The following ITGB6 variants were observed in gnomAD, a reference collection of about 807,000 sequenced individuals.
ITGB6 encodes the protein integrin beta-6.
Under a neutral mutation model 84.5 loss-of-function variants are expected in ITGB6, and 80 were observed. The observed-to-expected ratio is 0.95, with a 90% CI of 0.79 to 1.14. The LOEUF is 1.14. Ranked by LOEUF, ITGB6 falls within the 50% of genes most tolerant of loss-of-function variation. ITGB6 has a pLI of 0.00. For synonymous variants in ITGB6, 383 were observed against 354.9 expected (o/e 1.08, Z -0.89); for missense variants, 1,006 against 968.0 (o/e 1.04, Z -0.52).
At chr2:160,109,498 G>C (rs562094076) in intron 13 of ITGB6, among the ~76,000 whole-genome samples, 1 of 152,308 alleles carries the variant, frequency 6.6e-6, no homozygotes, top group Non-Finnish European at 1.5e-5. Context: ...GGGTTCTCCA[G>C]GAGGGACTAA....
At chr2:160,121,667 T>G (rs1462921463) in intron 12 of ITGB6, among the ~76,000 whole-genome samples, 2 of 151,148 alleles carry the variant, frequency 1.3e-5, no homozygotes, top group African/African-American at 4.9e-5. Context: ...GTGCCTGTAG[T>G]CCCAGGTACT....
intron 14 of ITGB6, among the ~76,000 whole-genome samples, chr2:160,105,002 C>T (rs1223798889): frequency 1.3e-5 from 2 of 152,134 alleles, no homozygotes; most frequent in African/African-American, 4.8e-5. Context: ...AAATTCACTT[C>T]TTCAAGAAGA....
intron 7 of ITGB6, among the ~76,000 whole-genome samples, chr2:160,165,994 C>T (rs1051637436): frequency 1.3e-5 from 2 of 152,198 alleles, no homozygotes; most frequent in Non-Finnish European, 2.9e-5. Flanking sequence ...GCAGTTATTG[C>T]AATTTTTAAA....
At chr2:160,110,389 A>G (rs1682439128) in intron 13 of ITGB6, among the ~76,000 whole-genome samples, 1 of 152,246 alleles carries the variant, frequency 6.6e-6, no homozygotes, top group Admixed American at 6.5e-5. Flanking sequence ...AAAAAATGAG[A>G]GCTGCTATTA....
chr2:160,114,454 GA>G (rs1682671088), intron 12 of ITGB6, among the ~76,000 whole-genome samples: 1 of 152,184 alleles, frequency 6.6e-6, no homozygotes, highest in Non-Finnish European at 1.5e-5. Flanking sequence ...GAAGAAATGT[GA>G]AAACAGGGGT....
intron 7 of ITGB6, among the ~76,000 whole-genome samples, chr2:160,159,021 G>T (rs1684727276): frequency 6.6e-6 from 1 of 151,528 alleles, no homozygotes; most frequent in Non-Finnish European, 1.5e-5. Flanking sequence ...CTCGCTTGAA[G>T]CCAGGAGGCA....
At chr2:160,121,251 A>C in intron 12 of ITGB6, among the ~76,000 whole-genome samples, 1 of 152,178 alleles carries the variant, frequency 6.6e-6, no homozygotes, top group Non-Finnish European at 1.5e-5. Flanking sequence ...AAGTTTGGGA[A>C]TCCTCTATTT....
chr2:160,147,843 T>A (rs1472392862), intron 7 of ITGB6, among the ~76,000 whole-genome samples: 2 of 152,134 alleles, frequency 1.3e-5, no homozygotes, highest in Admixed American at 6.6e-5. Flanking sequence ...CAGACCTAAA[T>A]GTAAAATGCA....
chr2:160,160,167 G>A (rs751898930), intron 7 of ITGB6, among the ~76,000 whole-genome samples: 2 of 152,310 alleles, frequency 1.3e-5, no homozygotes, highest in Admixed American at 1.3e-4. Flanking sequence ...AATCATGACA[G>A]AAACCATGTG....
intron 2 of ITGB6, 115 bp from the exon 3 acceptor site, chr2:160,196,535 A>G (rs1686346877): frequency 2.5e-6 from 2 of 800,886 alleles, no homozygotes; most frequent in Admixed American, 2.5e-5. Flanking sequence ...GCATCTTGCC[A>G]TATTGTATCC....
chr2:160,112,333 G>GT (rs995170476), intron 12 of ITGB6, 134 bp from the exon 13 acceptor site: 48,802 of 580,686 alleles, frequency 0.084, 14 homozygotes, highest in South Asian at 0.11. Context: ...AGAGGCATAG[G>GT]TTTTTTTTTT....
intron 7 of ITGB6, among the ~76,000 whole-genome samples, chr2:160,161,174 A>G (rs925636437): frequency 6.6e-5 from 10 of 152,184 alleles, no homozygotes; most frequent in Non-Finnish European, 1.5e-4. Flanking sequence ...GTAGACACCT[A>G]TAAGTATGGC....
intron 4 of ITGB6, among the ~76,000 whole-genome samples, chr2:160,174,841 C>T (rs1685353484): frequency 6.6e-6 from 1 of 152,196 alleles, no homozygotes; most frequent in Non-Finnish European, 1.5e-5. Flanking sequence ...CACTTCTGAG[C>T]TTTGGATTTT....
In ITGB6 at chr2:160,198,316, G is replaced by A. The variant is rs561486364; in HGVS notation, c.141+863C>T. ...AGGCCACACTTCATGGATACACACT[G>A]AACTCGGAGTTTGGGTTTCCACAGG... is the stretch of plus-strand genomic sequence containing the variant. On this transcript the variant is annotated intron_variant, in intron 2 of 14. Transcript: ENST00000283249. Among the ~76,000 whole-genome samples, 12 of 152,318 alleles carry A rather than the reference G, an allele frequency of 7.9e-5. No homozygotes were observed. In the South Asian group the frequency reaches 2.5e-3, roughly 32 times the overall value.
At chr2:160,145,301 T>C (rs1008984349) in intron 7 of ITGB6, among the ~76,000 whole-genome samples, 1 of 152,160 alleles carries the variant, frequency 6.6e-6, no homozygotes, top group East Asian at 1.9e-4. Flanking sequence ...TTCTCTATTA[T>C]CTATCTGCAG....
chr2:160,175,086 C>G lies in ITGB6; in HGVS notation c.594-947G>C, dbSNP rs540373917. Among the ~76,000 whole-genome samples the G allele has an allele frequency of 2.0e-5, 3 of 152,266 alleles. No homozygotes were observed. In the East Asian group the frequency reaches 5.8e-4, roughly 29 times the overall value. ...AGCGCAAAGAGACAAAAAGGCATAG[C>G]GCCTGGTGAGGGAATGATGTGCTGC... On this transcript the variant is annotated intron_variant, in intron 4 of 14. Transcript: ENST00000283249.
At chr2:160,133,697 C>T (rs554690514) in intron 10 of ITGB6, among the ~76,000 whole-genome samples, 2 of 152,138 alleles carry the variant, frequency 1.3e-5, no homozygotes, top group Non-Finnish European at 2.9e-5. Context: ...GAAATTATAA[C>T]AAACTGTCTC....
intron 7 of ITGB6, among the ~76,000 whole-genome samples, chr2:160,153,080 A>G (rs934469875): frequency 7.9e-5 from 12 of 152,230 alleles, no homozygotes; most frequent in Non-Finnish European, 1.8e-4. Context: ...AGAATTGGAA[A>G]AAACTACTTT....
At chr2:160,175,818 A>T (rs956703969) in intron 4 of ITGB6, among the ~76,000 whole-genome samples, 1 of 152,258 alleles carries the variant, frequency 6.6e-6, no homozygotes, top group Non-Finnish European at 1.5e-5. Flanking sequence ...AAAATGTGAT[A>T]GCCAGAGGCT....
Sources: gnomAD v4.1 joint callset for allele counts (sites outside exome capture counted in the v4.1 genomes callset) on GRCh38, gnomAD v4.1.1 for gene constraint, MANE v1.5 for transcripts, NCBI Gene and HGNC (gene_info 2026-07-23, HGNC 2026-07-21) for gene names.